The following ROBO2 variants were observed in gnomAD, a reference collection of about 807,000 sequenced individuals.
ROBO2 encodes roundabout guidance receptor 2.
A neutral mutation model predicts 160.8 loss-of-function variants in ROBO2; 53 were observed. The ratio of observed to expected loss-of-function variants is 0.33; its 90% confidence interval spans 0.26 to 0.41. The LOEUF is 0.41. Ranked by LOEUF, ROBO2 falls within the 10% of genes least tolerant of loss-of-function variation. The pLI is 1.00. For missense variants in ROBO2, 1,577 were observed against 1,722.4 expected, an observed-to-expected ratio of 0.92 and a Z score of 1.49; for synonymous variants, 664 against 611.7, an observed-to-expected ratio of 1.09 and a Z score of -1.26.
intron 2 of ROBO2, among the ~76,000 whole-genome samples, chr3:75,946,904 A>T (rs1266485140): frequency 6.6e-6 from 1 of 151,814 alleles, no homozygotes. Flanking sequence ...AGGAGGGTGT[A>T]CTCTTGTGGA....
chr3:76,890,560 T>C (rs541577671), intron 2 of ROBO2, among the ~76,000 whole-genome samples: 1 of 152,110 alleles, frequency 6.6e-6, no homozygotes, highest in African/African-American at 2.4e-5. Flanking sequence ...TAGGATGACT[T>C]CTGGTGTGTG....
chr3:77,084,132 T>C (rs759261399), intron 1 of ROBO2, among the ~76,000 whole-genome samples: 2 of 152,078 alleles, frequency 1.3e-5, no homozygotes, highest in Non-Finnish European at 2.9e-5. Context: ...TATTTTTTTC[T>C]GTTATTTATA....
chr3:76,983,648 T>C (rs1025560442), intron 2 of ROBO2, among the ~76,000 whole-genome samples: 1 of 152,212 alleles, frequency 6.6e-6, no homozygotes, highest in Non-Finnish European at 1.5e-5. Flanking sequence ...GATCAGTTCT[T>C]ATTTCAAGAT....
chr3:76,142,634 G>A (rs2071717395), intron 2 of ROBO2, among the ~76,000 whole-genome samples: 1 of 151,928 alleles, frequency 6.6e-6, no homozygotes, highest in Non-Finnish European at 1.5e-5. Flanking sequence ...TATGGACATA[G>A]AGAGTAGAAG....
At chr3:77,571,440 T>C (rs2093634075) in intron 13 of ROBO2, among the ~76,000 whole-genome samples, 2 of 152,122 alleles carry the variant, frequency 1.3e-5, no homozygotes, top group Admixed American at 1.3e-4. Context: ...CAAAATGCTT[T>C]CACTTATATC....
chr3:75,982,662 AT>A (rs1176171043), intron 2 of ROBO2, among the ~76,000 whole-genome samples: 4 of 151,684 alleles, frequency 2.6e-5, no homozygotes, highest in African/African-American at 9.6e-5. Context: ...GTGATTTCAC[AT>A]CTTTGTTTTA....
At chr3:77,185,586 A>G (rs758888263) in intron 2 of ROBO2, among the ~76,000 whole-genome samples, 4 of 151,978 alleles carry the variant, frequency 2.6e-5, no homozygotes, top group Non-Finnish European at 5.9e-5. Context: ...TACACCCATT[A>G]TGGAAAACAG....
At chr3:76,418,231 TAGAGAG>T (rs747531494) in intron 2 of ROBO2, among the ~76,000 whole-genome samples, 3 of 123,908 alleles carry the variant, frequency 2.4e-5, no homozygotes, top group African/African-American at 3.8e-5. Flanking sequence ...GCCAAACAAA[TAGAGAG>T]AGAGAGAGAG....
intron 2 of ROBO2, among the ~76,000 whole-genome samples, chr3:76,449,769 C>T (rs957697138): frequency 6.6e-6 from 1 of 152,072 alleles, no homozygotes; most frequent in Non-Finnish European, 1.5e-5. Context: ...TGAAGAGAGT[C>T]GTTAAATACT....
intron 2 of ROBO2, among the ~76,000 whole-genome samples, chr3:76,814,265 T>G (rs2065471622): frequency 6.6e-6 from 1 of 152,100 alleles, no homozygotes; most frequent in Non-Finnish European, 1.5e-5. Flanking sequence ...GAGTAACTTG[T>G]GAGTTCTAAT....
intron 5 of ROBO2, among the ~76,000 whole-genome samples, chr3:77,510,866 C>T (rs935526): frequency 0.75 from 113,209 of 151,798 alleles, 43,181 homozygotes; most frequent in African/African-American, 0.92. Context: ...TGGTTGGAGG[C>T]GTGGTCTTCA....
At chr3:76,615,028 A>G (rs1018270348) in intron 2 of ROBO2, among the ~76,000 whole-genome samples, 1 of 152,158 alleles carries the variant, frequency 6.6e-6, no homozygotes, top group African/African-American at 2.4e-5. Flanking sequence ...CTTTTAATAT[A>G]AATCTATTAT....
chr3:76,917,327 TCTTAC>T (rs1476517289), intron 2 of ROBO2, among the ~76,000 whole-genome samples: 1 of 152,194 alleles, frequency 6.6e-6, no homozygotes, highest in Non-Finnish European at 1.5e-5. Flanking sequence ...CCAAGGCAAC[TCTTAC>T]CTTGAGAGGA....
At chr3:77,614,057 G>A (rs1023002996) in intron 21 of ROBO2, among the ~76,000 whole-genome samples, 1 of 152,174 alleles carries the variant, frequency 6.6e-6, no homozygotes, top group African/African-American at 2.4e-5. Flanking sequence ...ATTTATTTGA[G>A]CAGGAGATTC....
At chr3:76,522,810 A>G (rs2081704915) in intron 2 of ROBO2, among the ~76,000 whole-genome samples, 1 of 151,912 alleles carries the variant, frequency 6.6e-6, no homozygotes, top group African/African-American at 2.4e-5. Context: ...CTCTGCCTCC[A>G]ATTTTATCCT....
intron 16 of ROBO2, among the ~76,000 whole-genome samples, chr3:77,587,064 T>G (rs1442107050): frequency 1.3e-5 from 2 of 152,062 alleles, no homozygotes; most frequent in African/African-American, 4.8e-5. Context: ...TAAAATTTTA[T>G]TTCTAATTCA....
intron 2 of ROBO2, among the ~76,000 whole-genome samples, chr3:75,947,430 T>C (rs1175987274): frequency 2.0e-5 from 3 of 152,098 alleles, no homozygotes; most frequent in Admixed American, 1.3e-4. Flanking sequence ...TAAGTACGTG[T>C]TACATTTATA....
At chr3:76,798,939 A>G (rs1378243217) in intron 2 of ROBO2, among the ~76,000 whole-genome samples, 1 of 151,916 alleles carries the variant, frequency 6.6e-6, no homozygotes, top group African/African-American at 2.4e-5. Flanking sequence ...TAGCAGGAAC[A>G]TATCTCAACA....
chr3:76,816,143 GA>G (rs2065646039), intron 2 of ROBO2, among the ~76,000 whole-genome samples: 1 of 152,050 alleles, frequency 6.6e-6, no homozygotes, highest in South Asian at 2.1e-4. Flanking sequence ...AATGAGAAGG[GA>G]AAAGGAAAAG....
Sources: gnomAD v4.1 joint callset for allele counts (sites outside exome capture counted in the v4.1 genomes callset) on GRCh38, gnomAD v4.1.1 for gene constraint, MANE v1.5 for transcripts, NCBI Gene and HGNC (gene_info 2026-07-23, HGNC 2026-07-21) for gene names.